The following CPSF1 variants were observed in gnomAD, a reference collection of about 807,000 sequenced individuals.
The protein encoded by CPSF1 is cleavage and polyadenylation specificity factor subunit 1.
A neutral mutation model predicts 175.8 loss-of-function variants in CPSF1; 106 were observed. The ratio of observed to expected loss-of-function variants is 0.60; its 90% CI spans 0.52 to 0.71. The LOEUF (loss-of-function observed/expected upper bound fraction) is 0.71, where lower values mean the gene tolerates loss of function less well. Among genes scored for constraint, CPSF1 ranks in the 30% least tolerant of loss-of-function variants. The pLI is 0.00. For missense variants in CPSF1, 1,734 were observed against 2,022.9 expected, an observed-to-expected ratio of 0.86 and a Z score of 2.74; for synonymous variants, 1,024 against 858.3, an observed-to-expected ratio of 1.19 and a Z score of -3.37.
intron 2 of CPSF1, 146 bp from the exon 3 acceptor site, chr8:144,401,819 G>A (rs1299326209): frequency 1.2e-6 from 1 of 869,404 alleles, no homozygotes; most frequent in Non-Finnish European, 1.8e-6. Context: ...AGGGCTTCTG[G>A]AGACAGCTGT....
Position 144,396,872 on chromosome 8 carries a change from C to G in CPSF1, c.2650G>C (p.Gly884Arg). 1 of 1,613,916 alleles carries G rather than the reference C, an allele frequency of 6.2e-7. No homozygotes were observed. The highest frequency in any genetic ancestry group is 8.5e-7 in the Non-Finnish European group (1 of 1,179,950). ...AAGCGGACTTTGAGATTGCCCTGGC[C>G]GAGCTGAGAGTCGTGGGGGAAGGCC... ...YEAFPHDSQL[G>R]QGNLKVRFKK... is the part of the protein sequence containing the mutation. Residue 884 changes from glycine (G) to arginine (R), a missense_variant, in exon 24 of 38, where the codon GGC becomes CGC. By Grantham distance (125) the Gly-to-Arg change is moderately radical (BLOSUM62 -2). Around this residue, in one of 10 missense-constraint regions of CPSF1, gnomAD observed 585 missense variants for 584.7 expected, o/e 1.00. Coordinates refer to ENST00000616140, the MANE Select transcript of CPSF1 (RefSeq NM_013291.3).
chr8:144,396,690 T>G lies in CPSF1; in HGVS notation c.2734A>C (p.Lys912Gln), dbSNP rs200276565. The change falls in exon 25 of 38, where the codon AAA (lysine) becomes CAA (glutamine). Residue 912 changes from lysine (K) to glutamine (Q), a missense_variant. Lys to Gln is a moderately conservative substitution (Grantham distance 53, BLOSUM62 1). Transcript: ENST00000616140. ...TCCTCTGCGCCGCCACCTTCTGCTTTCTTCTTGGATGGCTTTGGCTTCTTC... is the reference window on the plus strand; with the variant it reads ...TCCTCTGCGCCGCCACCTTCTGCTTGCTTCTTGGATGGCTTTGGCTTCTTC... ...REKKPKPSKK[K>Q]AEGGGAEEGA... 1 of 1,613,816 alleles carries G rather than the reference T, an allele frequency of 6.2e-7. No individual in the cohort carries two copies. Among genetic ancestry groups the G allele is most frequent in the African/African-American group, 1.3e-5 (1 of 74,922 alleles).
At chr8:144,404,050 C>T (rs1554868200) in intron 2 of CPSF1, among the ~76,000 whole-genome samples, 2 of 151,430 alleles carry the variant, frequency 1.3e-5, no homozygotes, top group African/African-American at 4.8e-5. Flanking sequence ...TAGTGAAATC[C>T]CGTCTCTACT....
intron 28 of CPSF1, 31 bp from the exon 29 acceptor site, chr8:144,395,213 G>A (rs1820640139): frequency 1.2e-6 from 2 of 1,612,760 alleles, no homozygotes; most frequent in Non-Finnish European, 1.7e-6. Context: ...AGTCAGAGTA[G>A]GGCTTCCCCA....
At chr8:144,404,889 T>C (rs2116900295) in intron 2 of CPSF1, among the ~76,000 whole-genome samples, 4 of 151,698 alleles carry the variant, frequency 2.6e-5, no homozygotes, top group South Asian at 4.2e-4. Context: ...ACCCCGTCTC[T>C]ACTAAAAATA....
Position 144,398,391 on chromosome 8 carries a change from G to A in CPSF1, c.1805C>T (p.Thr602Ile). ...IMELDTSGFA[T>I]QGPTVFAGNI... ...CCCAGCAAAGACCGTGGGGCCCTGA[G>A]TGGCGAAGCCACTGGTGTCCAGCTC... is the stretch of plus-strand genomic sequence containing the variant. Residue 602 changes from threonine to isoleucine, a missense_variant, in exon 19 of 38, where the codon ACT (threonine) becomes ATT (isoleucine). Physicochemically the swap from Thr to Ile is moderately conservative, Grantham distance 89. Around this residue, in one of 10 missense-constraint regions of CPSF1, gnomAD observed 280 missense variants for 349.2 expected, o/e 0.80. Coordinates refer to ENST00000616140, the MANE Select transcript of CPSF1 (RefSeq NM_013291.3). 2 of 1,613,814 alleles carry A rather than the reference G, an allele frequency of 1.2e-6. No individual in the cohort carries two copies. Among genetic ancestry groups the A allele is most frequent in the Non-Finnish European group, 1.7e-6 (2 of 1,180,000 alleles).
rs1491238659 is a variant in CPSF1 at position 144,400,135 on chromosome 8, G to GCC, written c.937+29_937+30dup. ...CTAGGCAGGCCCAAGCCGTCCCCGGGCCCCCCCCGCCCCAGCCACCCCACA... is the reference window on the plus strand; with the variant it reads ...CTAGGCAGGCCCAAGCCGTCCCCGGGCCCCCCCCCCGCCCCAGCCACCCCACA... On this transcript the variant is annotated intron_variant, in intron 9 of 37. Transcript: ENST00000616140. 2.4e-4 allele frequency: 214 copies of GCC among 895,916 alleles called. 7 individuals are homozygous for GCC. The African/African-American group carries it at 2.6e-3, about 11-fold the overall frequency. The allele number at this position is 895,916 out of a possible 1,614,324, so 55.5% of individuals were successfully genotyped here.
At position 144,396,712 on chromosome 8, in the gene CPSF1, C is replaced by T. The variant is rs782586741; in HGVS notation, c.2712G>A (p.Lys904=). The change falls in exon 25 of 38, where the codon AAG becomes AAA. Residue 904 remains lysine (K), a synonymous_variant. Coordinates refer to ENST00000616140, the MANE Select transcript of CPSF1 (RefSeq NM_013291.3). Reference sequence around the variant, plus strand: ...CTTTCTTCTTGGATGGCTTTGGCTTCTTCTCACGGAAGTTGATGTTGTGAG... The same window carrying T: ...CTTTCTTCTTGGATGGCTTTGGCTTTTTCTCACGGAAGTTGATGTTGTGAG... ...KVPHNINFRE[K]KPKPSKKKAE... 81 of 1,613,840 alleles carry T rather than the reference C, an allele frequency of 5.0e-5. No homozygotes were observed. Among genetic ancestry groups the T allele is most frequent in the Middle Eastern group, 1.6e-4 (1 of 6,084 alleles).
intron 4 of CPSF1, 24 bp downstream of exon 4, chr8:144,401,406 T>C (rs1821201700): frequency 6.2e-7 from 1 of 1,613,504 alleles, no homozygotes. Context: ...TGGCCAGGCC[T>C]ACCCCACCAA....
chr8:144,401,735 G>A (rs992956687), intron 2 of CPSF1, 62 bp from the exon 3 acceptor site: 16 of 1,531,146 alleles, frequency 1.0e-5, no homozygotes, highest in Non-Finnish European at 1.3e-5. Flanking sequence ...CTCATCCGGG[G>A]AACGAGAAAA....
rs1554861890 is a variant in CPSF1 at position 144,393,285 on chromosome 8, T to G, written c.*33A>C. 6.8e-7 allele frequency: 1 copy of G among 1,473,876 alleles called. No individual in the cohort carries two copies. Among genetic ancestry groups the G allele is most frequent in the African/African-American group, 1.4e-5 (1 of 70,980 alleles). 91.3% of individuals were successfully genotyped at this position (1,473,876 alleles called of 1,614,324 possible). ...TGTACAAAAAGGGGGTGGGAGGTAG[T>G]TCCGTGTGCTGGTGGTGACGGCATC... On this transcript the variant is annotated 3_prime_UTR_variant, in exon 38 of 38. Coordinates refer to ENST00000616140, the MANE Select transcript of CPSF1 (RefSeq NM_013291.3).
rs142648079 is a variant in CPSF1, at chr8:144,396,670, T to A, written c.2754A>T (p.Ala918=). 5.8e-5 allele frequency: 94 copies of A among 1,613,772 alleles called. No homozygotes were observed. The highest frequency in any genetic ancestry group is 7.5e-5 in the Non-Finnish European group (89 of 1,180,022). The stretch of plus-strand genomic sequence containing the variant: ...GGCCCCGGGCCCCAGCCCCCTCCTC[T>A]GCGCCGCCACCTTCTGCTTTCTTCT... ...PSKKKAEGGG[A]EEGAGARGRV... is the part of the protein sequence containing the mutation. Residue 918 remains alanine (A), a synonymous_variant, in exon 25 of 38, where the codon GCA becomes GCT. Transcript: ENST00000616140.
In CPSF1 at chr8:144,398,795, G is replaced by A. The variant is rs2116855078; in HGVS notation, c.1622C>T (p.Pro541Leu). 42 of 1,601,178 alleles carry A rather than the reference G, an allele frequency of 2.6e-5. No homozygotes were observed. The highest frequency in any genetic ancestry group is 1.6e-4 in the African/African-American group (12 of 74,706). ...GCYDMWTVIAPVRKEEEDNPK... is the reference protein window; with the variant it reads ...GCYDMWTVIALVRKEEEDNPK... ...CGCACCTACCTCCTCCTTACGCACC[G>A]GGGCGATGACTGTCCACATGTCATA... Residue 541 changes from proline to leucine, a missense_variant, in exon 17 of 38, where the codon CCG becomes CTG. Coordinates refer to ENST00000616140, the MANE Select transcript of CPSF1 (RefSeq NM_013291.3).
At chr8:144,401,335 G>C (rs2116883800) in intron 4 of CPSF1, 44 bp from the exon 5 acceptor site, 6 of 1,603,742 alleles carry the variant, frequency 3.7e-6, no homozygotes, top group Non-Finnish European at 5.1e-6. Context: ...TGCCGGTCCT[G>C]ACAGTGTCGC....
In CPSF1 at chr8:144,394,685, A is replaced by C; in HGVS notation, c.3526T>G (p.Cys1176Gly). Residue 1176 changes from cysteine (C) to glycine (G), a missense_variant, in exon 31 of 38, where the codon TGC becomes GGC. By Grantham distance (159) the Cys-to-Gly change is radical (BLOSUM62 -3). Around this residue, in one of 10 missense-constraint regions of CPSF1, gnomAD observed 62 missense variants for 124.5 expected, o/e 0.50. Coordinates refer to ENST00000616140, the MANE Select transcript of CPSF1 (RefSeq NM_013291.3). ...GACACCAGGTGGCCATTGCAGTGGC[A>C]CAGGGCGGTCACGGGCCCCTTCTGC... ...KEQKGPVTAL[C>G]HCNGHLVSAI... is the part of the protein sequence containing the mutation. The C allele has an allele frequency of 6.2e-7, 1 of 1,612,098 alleles. No individual in the cohort carries two copies. Among genetic ancestry groups the C allele is most frequent in the Non-Finnish European group, 8.5e-7 (1 of 1,179,422 alleles).
chr8:144,403,866 G>C (rs1221683193), intron 2 of CPSF1, among the ~76,000 whole-genome samples: 1 of 151,462 alleles, frequency 6.6e-6, no homozygotes, highest in Non-Finnish European at 1.5e-5. Flanking sequence ...ATCAAATAAA[G>C]GGTATCTACA....
chr8:144,406,855 C>A (rs2116906459), intron 2 of CPSF1, among the ~76,000 whole-genome samples: 2 of 152,210 alleles, frequency 1.3e-5, no homozygotes, highest in African/African-American at 2.4e-5. Flanking sequence ...TTGCACCCTC[C>A]GCAACCCCCA....
intron 2 of CPSF1, among the ~76,000 whole-genome samples, chr8:144,402,268 A>G (rs1821255944): frequency 6.6e-6 from 1 of 152,114 alleles, no homozygotes; most frequent in Admixed American, 6.5e-5. Flanking sequence ...CCATTGCCTC[A>G]AGGCAAGGGA....
At chr8:144,404,393 G>C (rs2116898014) in intron 2 of CPSF1, among the ~76,000 whole-genome samples, 2 of 151,308 alleles carry the variant, frequency 1.3e-5, no homozygotes, top group Non-Finnish European at 2.9e-5. Context: ...TTGAGACGGA[G>C]TCTTGCTCTG....
Sources: allele counts gnomAD v4.1 joint callset (sites outside exome capture counted in the v4.1 genomes callset), GRCh38; gene constraint gnomAD v4.1.1; regional missense constraint gnomAD v4.1.1; transcripts MANE v1.5; gene names NCBI Gene and HGNC (gene_info 2026-07-23, HGNC 2026-07-21).